ASIC2: variants seen among roughly 807,000 people sequenced by gnomAD.
The protein encoded by ASIC2 is acid-sensing ion channel 2.
In ASIC2, 25 loss-of-function variants were observed where a neutral mutation model predicts 57.3. The ratio of observed to expected loss-of-function variants is 0.44; its 90% CI spans 0.32 to 0.61. The LOEUF is 0.61. ASIC2 is among the 20% of genes least tolerant of loss of function. The pLI is 0.06. For synonymous variants in ASIC2, 319 were observed against 307.5 expected (o/e 1.04, Z -0.39); for missense variants, 641 against 738.1 (o/e 0.87, Z 1.52).
chr17:33,648,838 A>C (rs1415118712), intron 1 of ASIC2, among the ~76,000 whole-genome samples: 1 of 152,238 alleles, frequency 6.6e-6, no homozygotes, highest in Non-Finnish European at 1.5e-5. Flanking sequence ...AGAAACTATA[A>C]AACTGTATTG....
At chr17:33,396,829 C>A (rs1910094181) in intron 1 of ASIC2, among the ~76,000 whole-genome samples, 1 of 152,162 alleles carries the variant, frequency 6.6e-6, no homozygotes, top group Non-Finnish European at 1.5e-5. Context: ...CACTTCTCTG[C>A]CTCCTCAAGT....
intron 1 of ASIC2, among the ~76,000 whole-genome samples, chr17:33,621,672 C>T (rs533819903): frequency 1.3e-5 from 2 of 152,208 alleles, no homozygotes; most frequent in African/African-American, 4.8e-5. Context: ...GAATCAGGAC[C>T]TGTCTTCTTT....
chr17:33,574,509 G>T lies in ASIC2; in HGVS notation c.556-462442C>A, dbSNP rs117964076. Among the ~76,000 whole-genome samples, 1,024 of 152,242 alleles carry T rather than the reference G, an allele frequency of 6.7e-3. 9 individuals carry two copies. The highest frequency in any genetic ancestry group is 9.9e-3 in the Non-Finnish European group (675 of 68,008). On this transcript the variant is annotated intron_variant, in intron 1 of 9. Coordinates refer to the ASIC2 transcript ENST00000359872. The stretch of plus-strand genomic sequence containing the variant: ...TAGGGGTGCTGTGCTGTGATTGAAG[G>T]ATCTTACTAGCATCCCTGGCCTCTA...
intron 1 of ASIC2, chr17:34,155,683 C>A (rs1199466730): frequency 9.8e-6 from 4 of 408,948 alleles, no homozygotes; most frequent in Non-Finnish European, 1.8e-5. Flanking sequence ...ACAGCCCAGG[C>A]CTCCTCCCTC....
chr17:33,405,019 T>G (rs12601602), intron 1 of ASIC2, among the ~76,000 whole-genome samples: 2 of 152,030 alleles, frequency 1.3e-5, no homozygotes, highest in Admixed American at 1.3e-4. Flanking sequence ...TTCTTTTTTG[T>G]CTTGAACGCC....
chr17:33,326,826 A>G (rs1187252339), intron 1 of ASIC2, among the ~76,000 whole-genome samples: 2 of 152,056 alleles, frequency 1.3e-5, no homozygotes, highest in East Asian at 3.9e-4. Context: ...TTCCTGTGTA[A>G]TTTCTTTTAC....
At chr17:33,541,232 G>C (rs1915400109) in intron 1 of ASIC2, 1 of 152,074 alleles carries the variant, frequency 6.6e-6, no homozygotes, top group South Asian at 2.1e-4. Flanking sequence ...TCTACTTCTA[G>C]GATTTAAGAT....
chr17:33,667,061 G>A (rs1467018568), intron 1 of ASIC2, among the ~76,000 whole-genome samples: 2 of 152,168 alleles, frequency 1.3e-5, no homozygotes, highest in African/African-American at 4.8e-5. Context: ...GGTGGACTAT[G>A]GGACTTAGTC....
At chr17:34,010,926 A>C (rs561623523) in intron 1 of ASIC2, among the ~76,000 whole-genome samples, 8 of 151,312 alleles carry the variant, frequency 5.3e-5, no homozygotes, top group Admixed American at 4.6e-4. Context: ...ATGCACAAAC[A>C]CACATACACA....
intron 1 of ASIC2, among the ~76,000 whole-genome samples, chr17:33,845,944 T>TTCA (rs1913581724): frequency 6.6e-6 from 1 of 152,298 alleles, no homozygotes; most frequent in African/African-American, 2.4e-5. Context: ...GGGCCTTTTC[T>TTCA]TCATTGTGGA....
At chr17:33,897,230 A>G (rs997785743) in intron 1 of ASIC2, among the ~76,000 whole-genome samples, 10 of 152,260 alleles carry the variant, frequency 6.6e-5, no homozygotes, top group Non-Finnish European at 1.0e-4. Context: ...ACTCACTCAG[A>G]GACCACTTCC....
At chr17:33,721,320 C>T (rs34291833) in intron 1 of ASIC2, among the ~76,000 whole-genome samples, 4,280 of 152,288 alleles carry the variant, frequency 0.028, 198 homozygotes, top group African/African-American at 0.098. Flanking sequence ...CAATTCTCCT[C>T]TCTTTCCAAG....
At chr17:33,079,040 G>A (rs895557116) in intron 3 of ASIC2, among the ~76,000 whole-genome samples, 1 of 152,086 alleles carries the variant, frequency 6.6e-6, no homozygotes, top group African/African-American at 2.4e-5. Flanking sequence ...TTATTTTATG[G>A]GTTGGGAAAG....
At chr17:33,241,175 A>G (rs1908492130) in intron 1 of ASIC2, among the ~76,000 whole-genome samples, 2 of 152,174 alleles carry the variant, frequency 1.3e-5, no homozygotes, top group Admixed American at 1.3e-4. Flanking sequence ...ATCAAACCAC[A>G]TTGTTTCTCT....
chr17:34,039,558 T>G (rs896330368), intron 1 of ASIC2: 1 of 1,613,810 alleles, frequency 6.2e-7, no homozygotes, highest in Non-Finnish European at 8.5e-7. Context: ...GTGCAACTGG[T>G]GGAACACTTC....
At chr17:33,745,298 TGCC>T (rs1432662143) in intron 1 of ASIC2, among the ~76,000 whole-genome samples, 1 of 152,034 alleles carries the variant, frequency 6.6e-6, no homozygotes, top group East Asian at 1.9e-4. Context: ...TAAGTCCAAA[TGCC>T]GTGTGCTGCA....
chr17:33,861,048 A>G (rs1319188480), intron 1 of ASIC2, among the ~76,000 whole-genome samples: 3 of 152,224 alleles, frequency 2.0e-5, no homozygotes, highest in African/African-American at 7.2e-5. Context: ...AGAGTCTGAA[A>G]ACTATTCTTT....
intron 1 of ASIC2, among the ~76,000 whole-genome samples, chr17:33,657,959 A>G (rs1017828081): frequency 6.6e-6 from 1 of 152,122 alleles, no homozygotes; most frequent in African/African-American, 2.4e-5. Context: ...CTCCTCAGGG[A>G]TATAATTAGC....
chr17:33,163,036 A>T (rs1242901773), intron 1 of ASIC2, among the ~76,000 whole-genome samples: 1 of 152,166 alleles, frequency 6.6e-6, no homozygotes, highest in African/African-American at 2.4e-5. Flanking sequence ...TTTTGGGACA[A>T]AGAAGCAAGT....
Sources: allele counts gnomAD v4.1 joint callset (sites outside exome capture counted in the v4.1 genomes callset), GRCh38; gene constraint gnomAD v4.1.1; transcripts MANE v1.5; gene names NCBI Gene and HGNC (gene_info 2026-07-23, HGNC 2026-07-21).